The following SKIC8 variants were observed in gnomAD, a reference collection of about 807,000 sequenced individuals.
The protein encoded by SKIC8 is SKI8 subunit of superkiller complex.
chr15:78,286,657 T>C, the SKIC8 span: 1 of 152,392 alleles, frequency 6.6e-6, no homozygotes, highest in South Asian at 2.1e-4. Flanking sequence ...ACAACAGCTA[T>C]TTTCACTTTT....
At chr15:78,285,521 A>C in the SKIC8 span, 1 of 606,208 alleles carries the variant, frequency 1.6e-6, no homozygotes, top group Non-Finnish European at 2.9e-6. Context: ...ATTTTCCTGA[A>C]ATTGTGATCT....
the SKIC8 span, chr15:78,295,437 T>TTTG: frequency 1.6e-6 from 1 of 609,140 alleles, no homozygotes; most frequent in Admixed American, 2.6e-5. Flanking sequence ...TCTTTTAAGC[T>TTTG]TCTTCTATTA....
At chr15:78,294,969 C>G in the SKIC8 span, 1 of 1,613,990 alleles carries the variant, frequency 6.2e-7, no homozygotes, top group East Asian at 2.2e-5. Context: ...GAAGAGAATA[C>G]CGTACTAAAA....
the SKIC8 span, among the ~76,000 whole-genome samples, chr15:78,297,787 C>T: frequency 1.1e-4 from 16 of 152,314 alleles, no homozygotes; most frequent in Middle Eastern, 6.8e-3. Context: ...ACAGTTAAGG[C>T]ATCCAGGTTC....
At chr15:78,293,223 T>C in the SKIC8 span, 5 of 1,614,022 alleles carry the variant, frequency 3.1e-6, no homozygotes, top group African/African-American at 4.0e-5. Context: ...TCTCAGAGTT[T>C]TCCTTCTTGT....
the SKIC8 span, among the ~76,000 whole-genome samples, chr15:78,293,641 C>G: frequency 2.0e-5 from 3 of 152,316 alleles, no homozygotes; most frequent in East Asian, 1.9e-4. Context: ...AACCCGGTAA[C>G]AGATACTCCG....
chr15:78,293,232 G>A, the SKIC8 span: 1 of 1,614,066 alleles, frequency 6.2e-7, no homozygotes, highest in Non-Finnish European at 8.5e-7. Flanking sequence ...TTTCCTTCTT[G>A]TTTGTCCCCC....
chr15:78,290,125 A>G, the SKIC8 span: 1 of 1,595,236 alleles, frequency 6.3e-7, no homozygotes, highest in Admixed American at 1.8e-5. Context: ...AAGGACAAAA[A>G]TACAGTGTGA....
chr15:78,295,420 T>TTTTAA, the SKIC8 span: 1 of 470,318 alleles, frequency 2.1e-6, no homozygotes, highest in Non-Finnish European at 3.7e-6. Flanking sequence ...TTTTTTTTTG[T>TTTTAA]ACAACATCTT....
At chr15:78,286,110 G>A in the SKIC8 span, 9 of 1,613,482 alleles carry the variant, frequency 5.6e-6, no homozygotes, top group Non-Finnish European at 5.9e-6. Flanking sequence ...GCCGCTCAGC[G>A]TGCCAGCCAA....
the SKIC8 span, among the ~76,000 whole-genome samples, chr15:78,293,984 T>C: frequency 3.3e-5 from 5 of 152,206 alleles, no homozygotes; most frequent in African/African-American, 7.2e-5. Context: ...CAAGTGCACA[T>C]GGAGGCTTTA....
chr15:78,295,543 A>G, the SKIC8 span: 1 of 1,198,436 alleles, frequency 8.3e-7, no homozygotes. Context: ...CTAGGTACCC[A>G]GGGTCACCCA....
the SKIC8 span, chr15:78,294,910 T>A: frequency 1.2e-6 from 2 of 1,614,008 alleles, no homozygotes; most frequent in Non-Finnish European, 1.7e-6. Context: ...ACAGTTTTTT[T>A]CACAGATGAA....
the SKIC8 span, chr15:78,285,157 T>C: frequency 1.9e-6 from 2 of 1,060,156 alleles, no homozygotes; most frequent in Non-Finnish European, 1.4e-6. Context: ...CCCAGGCATC[T>C]ACTGGTATCC....
At chr15:78,289,041 G>A in the SKIC8 span, 414 of 356,778 alleles carry the variant, frequency 1.2e-3, 1 homozygote, top group African/African-American at 7.7e-3. Flanking sequence ...GATAGATTAC[G>A]ATATAATAAA....
chr15:78,290,163 A>G, the SKIC8 span: 2 of 1,513,240 alleles, frequency 1.3e-6, no homozygotes, highest in Non-Finnish European at 1.8e-6. Flanking sequence ...TTTAAAAACT[A>G]AAGTTTTACC....
chr15:78,291,244 C>G, the SKIC8 span: 13 of 152,278 alleles, frequency 8.5e-5, no homozygotes, highest in South Asian at 2.7e-3. Flanking sequence ...TGCCTTGTGC[C>G]CAGGGCTACA....
chr15:78,285,508 G>T, the SKIC8 span: 1 of 614,910 alleles, frequency 1.6e-6, no homozygotes, highest in Non-Finnish European at 2.9e-6. Context: ...TCACAGGGTA[G>T]CCATTTTCCT....
At chr15:78,298,986 A>G in the SKIC8 span, among the ~76,000 whole-genome samples, 1 of 152,194 alleles carries the variant, frequency 6.6e-6, no homozygotes, top group Non-Finnish European at 1.5e-5. Context: ...TTTAGACCTT[A>G]GCCCTCTCTT....
Sources: gnomAD v4.1 joint callset for allele counts (sites outside exome capture counted in the v4.1 genomes callset) on GRCh38, gnomAD v4.1.1 for gene constraint, MANE v1.5 for transcripts, NCBI Gene and HGNC (gene_info 2026-07-23, HGNC 2026-07-21) for gene names.